The following KLF7 variants were observed in gnomAD, a reference collection of about 807,000 sequenced individuals.
KLF7 encodes the protein KLF transcription factor 7, also known as Krueppel-like factor 7.
Under a neutral mutation model 27.3 loss-of-function variants are expected in KLF7, and 2 were observed. The ratio of observed to expected loss-of-function variants is 0.07; its 90% CI spans 0.03 to 0.23. The LOEUF is 0.23. Ranked by LOEUF, KLF7 falls within the 10% of genes least tolerant of loss-of-function variation. KLF7 has a pLI of 1.00. For missense variants in KLF7, 221 were observed against 394.1 expected (o/e 0.56, Z 3.72); for synonymous variants, 165 against 162.4 (o/e 1.02, Z -0.12).
chr2:207,104,909 T>G (rs1175359819), intron 2 of KLF7, among the ~76,000 whole-genome samples: 5 of 152,164 alleles, frequency 3.3e-5, no homozygotes, highest in African/African-American at 1.2e-4. Context: ...TAAAAAGGAA[T>G]AAGCAAAGGA....
chr2:207,172,171 A>G (rs1215425151), upstream of KLF7, among the ~76,000 whole-genome samples: 1 of 152,030 alleles, frequency 6.6e-6, no homozygotes, highest in Non-Finnish European at 1.5e-5. Context: ...CTCTCCCTCA[A>G]AGCAAGCCAT....
intron 2 of KLF7, among the ~76,000 whole-genome samples, chr2:207,118,967 C>T (rs2077263529): frequency 6.6e-6 from 1 of 152,110 alleles, no homozygotes; most frequent in South Asian, 2.1e-4. Flanking sequence ...ACAGATTGTG[C>T]CACTTTCTGA....
At chr2:207,117,784 G>A (rs1044343379) in intron 2 of KLF7, among the ~76,000 whole-genome samples, 1 of 152,090 alleles carries the variant, frequency 6.6e-6, no homozygotes, top group Non-Finnish European at 1.5e-5. Flanking sequence ...AAGATGAACA[G>A]CATCAATAAA....
chr2:207,108,921 T>C (rs1215931082), intron 2 of KLF7, among the ~76,000 whole-genome samples: 1 of 152,212 alleles, frequency 6.6e-6, no homozygotes, highest in Non-Finnish European at 1.5e-5. Flanking sequence ...CTGGTGTAAC[T>C]GAGAGGAGCA....
At chr2:207,088,774 T>C (rs1165129607) in intron 2 of KLF7, among the ~76,000 whole-genome samples, 193 bp from the exon 3 acceptor site, 1 of 152,190 alleles carries the variant, frequency 6.6e-6, no homozygotes, top group Non-Finnish European at 1.5e-5. Context: ...TTGTTTTTTG[T>C]TTTCTTTTTT....
chr2:207,151,109 GCTGA>G (rs1362520695), intron 1 of KLF7, among the ~76,000 whole-genome samples: 9 of 151,334 alleles, frequency 5.9e-5, no homozygotes, highest in African/African-American at 1.9e-4. Flanking sequence ...GCACCTCAAA[GCTGA>G]CTGTCTCCTT....
chr2:207,135,572 T>C (rs906098014), intron 1 of KLF7, among the ~76,000 whole-genome samples: 1 of 152,122 alleles, frequency 6.6e-6, no homozygotes, highest in African/African-American at 2.4e-5. Context: ...ATTTGTCAAA[T>C]GAATGAATGA....
At chr2:207,116,737 C>G (rs943484215) in intron 2 of KLF7, among the ~76,000 whole-genome samples, 1 of 152,204 alleles carries the variant, frequency 6.6e-6, no homozygotes, top group Non-Finnish European at 1.5e-5. Context: ...ACACAGACTT[C>G]TCATGACCCT....
chr2:207,166,260 G>C, upstream of KLF7: 1 of 891,386 alleles, frequency 1.1e-6, no homozygotes. Flanking sequence ...AGCCTGGGGC[G>C]GGGCTTGGCC....
At chr2:207,082,069 T>A (rs1007127162) in intron 3 of KLF7, among the ~76,000 whole-genome samples, 2 of 152,142 alleles carry the variant, frequency 1.3e-5, no homozygotes, top group Non-Finnish European at 2.9e-5. Context: ...CTAAGGCCCA[T>A]AACTGAGTGC....
chr2:207,149,671 C>T (rs974950401), intron 1 of KLF7, among the ~76,000 whole-genome samples: 1 of 152,216 alleles, frequency 6.6e-6, no homozygotes, highest in Non-Finnish European at 1.5e-5. Context: ...CAGTATGGCA[C>T]CTGTCTTAAG....
intron 2 of KLF7, among the ~76,000 whole-genome samples, chr2:207,115,178 C>CAAA (rs373367434): frequency 6.1e-4 from 83 of 136,832 alleles, no homozygotes; most frequent in African/African-American, 2.2e-3. Flanking sequence ...ATGTCAGTTG[C>CAAA]AAAAAAAAAA....
upstream of KLF7, chr2:207,166,968 C>T: frequency 2.4e-6 from 2 of 835,192 alleles, no homozygotes; most frequent in Non-Finnish European, 3.1e-6. Flanking sequence ...CCCTCCCGCG[C>T]CTCCTTCTGA....
chr2:207,123,799 T>C lies in KLF7; in HGVS notation c.708A>G (p.Leu236=), dbSNP rs759852487. ...CRKVYTKSSH[L]KAHQRTHTGE... ...CTGTGTGAGTCCTCTGGTGGGCCTT[T>C]AAGTGGGAGCTTTTTGTATAAACTT... The change falls in exon 2 of 4, where the codon TTA becomes TTG. Residue 236 remains leucine, a synonymous_variant. Transcript: ENST00000309446. The C allele has an allele frequency of 1.9e-6, 3 of 1,613,970 alleles. No individual in the cohort carries two copies. Among genetic ancestry groups the C allele is most frequent in the Non-Finnish European group, 2.5e-6 (3 of 1,179,888 alleles).
At chr2:207,083,520 T>C (rs1217063899) in intron 3 of KLF7, among the ~76,000 whole-genome samples, 2 of 152,150 alleles carry the variant, frequency 1.3e-5, no homozygotes, top group Admixed American at 6.5e-5. Flanking sequence ...ACACAGGCAG[T>C]CTGACGCCAG....
intron 1 of KLF7, among the ~76,000 whole-genome samples, chr2:207,144,281 C>G (rs2078035271): frequency 6.6e-6 from 1 of 152,118 alleles, no homozygotes; most frequent in Non-Finnish European, 1.5e-5. Context: ...AGGGACTAAC[C>G]TAAGGCAGAA....
At chr2:207,117,491 G>A (rs2077219420) in intron 2 of KLF7, among the ~76,000 whole-genome samples, 1 of 152,058 alleles carries the variant, frequency 6.6e-6, no homozygotes, top group Admixed American at 6.5e-5. Flanking sequence ...TCCCATAATC[G>A]GGGTTTAATG....
chr2:207,083,025 G>T (rs996728293), intron 3 of KLF7, among the ~76,000 whole-genome samples: 1 of 152,144 alleles, frequency 6.6e-6, no homozygotes, highest in Admixed American at 6.5e-5. Context: ...CCAATAACAT[G>T]CTGCATAATA....
upstream of KLF7, chr2:207,167,300 C>T (rs1388042987): frequency 3.8e-6 from 2 of 523,614 alleles, no homozygotes; most frequent in East Asian, 3.7e-5. Context: ...TTTGCTTGAC[C>T]TTAAATGGTT....
Sources: allele counts gnomAD v4.1 joint callset (sites outside exome capture counted in the v4.1 genomes callset), GRCh38; gene constraint gnomAD v4.1.1; transcripts MANE v1.5; gene names NCBI Gene and HGNC (gene_info 2026-07-23, HGNC 2026-07-21).